DST: variants seen among roughly 807,000 people sequenced by gnomAD.
The protein encoded by DST is bullous pemphigoid antigen.
In DST, 253 loss-of-function variants were observed where a neutral mutation model predicts 875.2. The ratio of observed to expected loss-of-function variants is 0.29; its 90% CI spans 0.26 to 0.32. The LOEUF (loss-of-function observed/expected upper bound fraction) is 0.32. Among genes scored for constraint, DST ranks in the 10% least tolerant of loss-of-function variants. The pLI, the probability that DST is intolerant of heterozygous loss-of-function variation, is 1.00. For missense variants in DST, 8,287 were observed against 9,111.6 expected, an observed-to-expected ratio of 0.91 and a Z score of 3.68; for synonymous variants, 3,124 against 3,197.1, an observed-to-expected ratio of 0.98 and a Z score of 0.77.
chr6:56,950,012 A>G (rs1317334208), intron 2 of DST, among the ~76,000 whole-genome samples: 2 of 152,228 alleles, frequency 1.3e-5, no homozygotes, highest in African/African-American at 2.4e-5. Context: ...GTTCAGTATT[A>G]TAAGAAATGT....
rs116194097 is a variant in DST, at chr6:56,611,650, A to G, written c.5059-54T>C. 2,234 of 1,197,186 alleles carry G rather than the reference A, an allele frequency of 1.9e-3. 25 individuals carry two copies. In the African/African-American group the frequency reaches 0.027, roughly 15 times the overall value. The allele number at this position is 1,197,186 out of a possible 1,614,324, so 74.2% of individuals were successfully genotyped here. On this transcript the variant is annotated intron_variant, in intron 37 of 103. Coordinates refer to ENST00000680361, the MANE Select transcript of DST (RefSeq NM_001374736.1). ...TCTTCCTCCAAAAGGAGTAAACAGT[A>G]TTTTTTTTAAAAAAAAGAAATTAAT...
intron 3 of DST, among the ~76,000 whole-genome samples, chr6:56,893,588 A>AAC (rs1788959791): frequency 1.5e-5 from 1 of 65,140 alleles, no homozygotes; most frequent in Non-Finnish European, 2.8e-5. Flanking sequence ...TTTTTTTTTT[A>AAC]TTTTTTTTTA....
intron 77 of DST, among the ~76,000 whole-genome samples, chr6:56,505,527 T>A (rs995368412): frequency 6.6e-6 from 1 of 152,006 alleles, no homozygotes; most frequent in African/African-American, 2.4e-5. Context: ...AAAGTGTTAT[T>A]TGTAGTAAAA....
intron 36 of DST, chr6:56,617,982 A>G (rs200391017): frequency 1.2e-6 from 2 of 1,611,036 alleles, no homozygotes; most frequent in East Asian, 2.2e-5. Flanking sequence ...AACACAGAGT[A>G]TACCTCTAAG....
chr6:56,506,574 T>C, intron 76 of DST, 30 bp from the exon 77 acceptor site: 6 of 1,608,232 alleles, frequency 3.7e-6, no homozygotes, highest in Non-Finnish European at 5.1e-6. Context: ...ATTCTTTTAG[T>C]GCCATATTTT....
chr6:56,837,717 T>A (rs903278057), intron 4 of DST, among the ~76,000 whole-genome samples: 3 of 152,154 alleles, frequency 2.0e-5, no homozygotes, highest in Non-Finnish European at 4.4e-5. Flanking sequence ...TTGGCAATTA[T>A]GTCAATGAAA....
At chr6:56,615,570 C>A in intron 36 of DST, 1 of 1,614,144 alleles carries the variant, frequency 6.2e-7, no homozygotes, top group Non-Finnish European at 8.5e-7. Flanking sequence ...TCAGATACTT[C>A]TAACAGTTTA....
intron 49 of DST, among the ~76,000 whole-genome samples, chr6:56,585,701 G>A (rs376467725): frequency 1.3e-5 from 2 of 150,530 alleles, no homozygotes; most frequent in Admixed American, 6.6e-5. Flanking sequence ...TGTCAATTTT[G>A]GATCTTTCCT....
At position 56,779,128 on chromosome 6, in the gene DST, T is replaced by C. The variant is rs1211567532; in HGVS notation, c.626-43839A>G. Among the ~76,000 whole-genome samples, 27 of 152,130 alleles carry C rather than the reference T, an allele frequency of 1.8e-4. 1 individual carries two copies. Among genetic ancestry groups the C allele is most frequent in the Admixed American group, 1.8e-3 (27 of 15,290 alleles). ...GTGGTTTTGATTTGCATTTCTCTGATGGCCAGTGATGATGAGCATTTTTTC... is the reference window on the plus strand; with the variant it reads ...GTGGTTTTGATTTGCATTTCTCTGACGGCCAGTGATGATGAGCATTTTTTC... On this transcript the variant is annotated intron_variant, in intron 4 of 103. Transcript: ENST00000680361.
chr6:56,843,588 G>A (rs2099803248), intron 4 of DST: 10 of 984,098 alleles, frequency 1.0e-5, no homozygotes, highest in Non-Finnish European at 1.2e-5. Context: ...CGAGGCCGCG[G>A]CAGCGGTGCG....
Position 56,482,072 on chromosome 6 carries a change from C to G in DST, c.21509G>C (p.Arg7170Pro). ...GVLPDDEDAL[R>P]TLIDQHKEFM... is the part of the protein sequence containing the mutation. ...CACTTTATGCTGATCAATGAGAGTC[C>G]GGAGAGCATCCTCATCATCTGGGAG... Residue 7170 changes from arginine to proline, a missense_variant, in exon 90 of 104, where the codon CGG (arginine) becomes CCG (proline). Arg to Pro is a moderately radical substitution (Grantham distance 103, BLOSUM62 -2). Transcript: ENST00000680361. 1.2e-5 allele frequency: 19 copies of G among 1,613,512 alleles called. No homozygotes were observed. Among genetic ancestry groups the G allele is most frequent in the Non-Finnish European group, 1.6e-5 (19 of 1,179,736 alleles).
chr6:56,616,254 C>T (rs867376730), intron 36 of DST: 8 of 1,613,978 alleles, frequency 5.0e-6, no homozygotes, highest in African/African-American at 2.7e-5. Flanking sequence ...TCTATAGCCT[C>T]ATTAATATTG....
intron 49 of DST, among the ~76,000 whole-genome samples, chr6:56,585,947 G>T (rs544803591): frequency 6.6e-6 from 1 of 151,940 alleles, no homozygotes; most frequent in African/African-American, 2.4e-5. Context: ...TGATTGCACT[G>T]TGGTCTGAGA....
intron 4 of DST, among the ~76,000 whole-genome samples, chr6:56,807,081 C>A (rs1418889591): frequency 6.6e-6 from 1 of 152,060 alleles, no homozygotes. Flanking sequence ...GACAGGGTCT[C>A]GCTCTGTCCC....
intron 4 of DST, among the ~76,000 whole-genome samples, chr6:56,796,833 T>C (rs971114214): frequency 6.6e-6 from 1 of 152,024 alleles, no homozygotes; most frequent in Non-Finnish European, 1.5e-5. Context: ...GAGGGGACTA[T>C]AAGCAGAGTA....
In DST at chr6:56,482,166, G is replaced by A. The variant is rs1224684871; in HGVS notation, c.21415C>T (p.His7139Tyr). 1.3e-6 allele frequency: 2 copies of A among 1,596,544 alleles called. No individual in the cohort carries two copies. Among genetic ancestry groups the A allele is most frequent in the Middle Eastern group, 1.7e-4 (1 of 6,054 alleles). The change falls in exon 90 of 104, where the codon CAC becomes TAC. Residue 7139 changes from histidine to tyrosine, a missense_variant. His to Tyr is a moderately conservative substitution (Grantham distance 83). Transcript: ENST00000680361. ...TCCAAGAGGGCATGTACCACCGAGT[G>A]GAATTCCTCTGCCTAAGAGTTCACA... ...EAALRQAEEF[H>Y]SVVHALLEWL... is the part of the protein sequence containing the mutation.
At chr6:56,687,547 G>A (rs1252235652) in intron 9 of DST, among the ~76,000 whole-genome samples, 3 of 152,050 alleles carry the variant, frequency 2.0e-5, no homozygotes, top group Admixed American at 6.6e-5. Flanking sequence ...GGCTGAGAAC[G>A]GTGCCTGCCC....
rs755112339 is a variant in DST at position 56,607,772 on chromosome 6, C to T, written c.6856G>A (p.Glu2286Lys). The T allele has an allele frequency of 5.0e-6, 8 of 1,613,410 alleles. No homozygotes were observed. The East Asian group carries it at 1.8e-4, about 36-fold the overall frequency. Residue 2286 changes from glutamate to lysine, a missense_variant, in exon 40 of 104, where the codon GAA (glutamate) becomes AAA (lysine). Physicochemically the swap from Glu to Lys is moderately conservative, Grantham distance 56 (BLOSUM62 1). This residue lies in a region of DST where 3,138 missense variants were observed against 3,116.6 expected (regional missense o/e 1.01). Coordinates refer to ENST00000680361, the MANE Select transcript of DST (RefSeq NM_001374736.1). ...PSSFNKCHCG[E>K]PEHEETPENR... Reference sequence around the variant, plus strand: ...TCAGGAGTCTCTTCATGTTCAGGTTCTCCACAGTGACATTTATTGAAACTA... The same window carrying T: ...TCAGGAGTCTCTTCATGTTCAGGTTTTCCACAGTGACATTTATTGAAACTA...
intron 4 of DST, among the ~76,000 whole-genome samples, chr6:56,781,921 T>A (rs962686676): frequency 3.3e-5 from 5 of 152,210 alleles, no homozygotes; most frequent in Admixed American, 6.5e-5. Flanking sequence ...TATTGACAGT[T>A]TTTAGCATGA....
Sources: allele counts gnomAD v4.1 joint callset (sites outside exome capture counted in the v4.1 genomes callset), GRCh38; gene constraint gnomAD v4.1.1; regional missense constraint gnomAD v4.1.1; transcripts MANE v1.5; gene names NCBI Gene and HGNC (gene_info 2026-07-23, HGNC 2026-07-21).